SLC35E4: variants seen among roughly 807,000 people sequenced by gnomAD.
The protein encoded by SLC35E4 is solute carrier family 35, member E4.
Under a neutral mutation model 19.3 loss-of-function variants are expected in SLC35E4, and 15 were observed. The observed-to-expected ratio is 0.78, with a 90% CI of 0.52 to 1.20. SLC35E4 has a LOEUF of 1.20. SLC35E4 is among the 50% of genes most tolerant of loss of function. SLC35E4 has a pLI of 0.00. For synonymous variants in SLC35E4, 219 were observed against 219.9 expected (o/e 1.00, Z 0.04); for missense variants, 406 against 472.3 (o/e 0.86, Z 1.30).
chr22:30,663,802 G>A (rs2088559950), downstream of SLC35E4: 2 of 1,614,108 alleles, frequency 1.2e-6, no homozygotes, highest in South Asian at 2.2e-5. Flanking sequence ...ACAGGTACCT[G>A]CATGTACTGG....
chr22:30,662,737 G>A (rs990094155), exon 3 of SLC35E4: 3 of 152,134 alleles, frequency 2.0e-5, no homozygotes, highest in African/African-American at 2.4e-5. Flanking sequence ...GCTAAGGTAA[G>A]AGGATCACTT....
At chr22:30,648,630 T>C (rs2088168814), downstream of SLC35E4, among the ~76,000 whole-genome samples, 1 of 152,070 alleles carries the variant, frequency 6.6e-6, no homozygotes, top group Non-Finnish European at 1.5e-5. Flanking sequence ...GGCGTGCACC[T>C]GAGGCAGGAG....
chr22:30,663,409 A>T, downstream of SLC35E4: 1 of 1,581,808 alleles, frequency 6.3e-7, no homozygotes. Flanking sequence ...TGTACCTCTG[A>T]CTCCAATGCA....
intron 1 of SLC35E4, among the ~76,000 whole-genome samples, chr22:30,637,517 G>A (rs1439752096): frequency 6.6e-6 from 1 of 151,964 alleles, no homozygotes; most frequent in Non-Finnish European, 1.5e-5. Flanking sequence ...ACCTCCCAAG[G>A]TGCTAGGATT....
rs748954155 is a variant in SLC35E4 at position 30,646,900 on chromosome 22, A to G, written c.922A>G (p.Ser308Gly). 10 of 1,614,230 alleles carry G rather than the reference A, an allele frequency of 6.2e-6. No individual in the cohort carries two copies. Among genetic ancestry groups the G allele is most frequent in the Non-Finnish European group, 6.8e-6 (8 of 1,180,024 alleles). The change falls in exon 2 of 2, where the codon AGT becomes GGT. Residue 308 changes from serine (S) to glycine (G), a missense_variant. Coordinates refer to ENST00000343605, the MANE Select transcript of SLC35E4 (RefSeq NM_001001479.4). Reference protein sequence around the residue: ...LSRLLFGSRLSALSYVGIALT... With the variant: ...LSRLLFGSRLGALSYVGIALT... ...CCGGCTGTTGTTTGGCAGCCGCCTC[A>G]GTGCCCTCAGCTACGTGGGCATCGC...
downstream of SLC35E4, chr22:30,663,577 G>T (rs1186251733): frequency 6.2e-7 from 1 of 1,614,234 alleles, no homozygotes; most frequent in Non-Finnish European, 8.5e-7. Context: ...CCGCTGTTGG[G>T]TCGGATGATG....
At chr22:30,637,140 G>T in intron 1 of SLC35E4, 71 bp downstream of exon 1, 1 of 1,501,402 alleles carries the variant, frequency 6.7e-7, no homozygotes, top group Non-Finnish European at 8.9e-7. Context: ...GCCCTGTGAG[G>T]GGTATGGCTG....
chr22:30,666,299 C>G (rs772265873), downstream of SLC35E4, among the ~76,000 whole-genome samples: 1 of 152,048 alleles, frequency 6.6e-6, no homozygotes, highest in Non-Finnish European at 1.5e-5. Flanking sequence ...GGTAGTGATG[C>G]GAGGAGTCAT....
At chr22:30,653,903 G>T in intron 2 of SLC35E4, 1 of 167,080 alleles carries the variant, frequency 6.0e-6, no homozygotes. Flanking sequence ...TGGGTCTTGA[G>T]GACACCCCAG....
At chr22:30,663,475 T>C (rs762418515), downstream of SLC35E4, 4 of 1,613,744 alleles carry the variant, frequency 2.5e-6, no homozygotes, top group South Asian at 4.4e-5. Flanking sequence ...TTCTCATAGA[T>C]GTCAGGGATC....
intron 2 of SLC35E4, among the ~76,000 whole-genome samples, chr22:30,659,931 G>A (rs968483203): frequency 2.0e-5 from 3 of 152,110 alleles, no homozygotes; most frequent in Non-Finnish European, 4.4e-5. Flanking sequence ...ATTTCTGGAG[G>A]GGCACACGTA....
rs1484756878 is a variant in SLC35E4, at chr22:30,653,371, CT to C, written c.*8+4120del. ...ACAACCCTCATGTGCCCCCTTCCTC[CT>C]TCTTTTTTTTTTTTTTTGAGACAGA... On this transcript the variant is annotated intron_variant, in intron 2 of 2. Transcript: ENST00000406566. Among the ~76,000 whole-genome samples, 7 of 150,900 alleles carry C rather than the reference CT, an allele frequency of 4.6e-5. 1 individual carries two copies. Among genetic ancestry groups the C allele is most frequent in the Non-Finnish European group, 1.5e-5 (1 of 67,670 alleles).
chr22:30,645,060 C>T (rs2088105777), intron 1 of SLC35E4, among the ~76,000 whole-genome samples: 1 of 152,178 alleles, frequency 6.6e-6, no homozygotes, highest in Non-Finnish European at 1.5e-5. Flanking sequence ...CCCCTTGTCA[C>T]TCCAGTGGTC....
rs2088335777 is a variant in SLC35E4, at chr22:30,656,208, C to T, written c.*9-5852C>T. Among the ~76,000 whole-genome samples, 3 of 151,932 alleles carry T rather than the reference C, an allele frequency of 2.0e-5. No individual in the cohort carries two copies. In the South Asian group the frequency reaches 6.2e-4, roughly 32 times the overall value. The stretch of plus-strand genomic sequence containing the variant: ...CCCAGGCTGATCGCAAATTCCCAGG[C>T]TCAAGTGATCCTCCTGCCTCAGCCA... On this transcript the variant is annotated intron_variant, in intron 2 of 2. Coordinates refer to the SLC35E4 transcript ENST00000406566.
intron 2 of SLC35E4, among the ~76,000 whole-genome samples, chr22:30,661,206 G>A (rs113051213): frequency 0.021 from 3,144 of 151,938 alleles, 99 homozygotes; most frequent in African/African-American, 0.072. Context: ...CCACCCCCCC[G>A]CCAAGTGAAA....
intron 2 of SLC35E4, among the ~76,000 whole-genome samples, chr22:30,657,909 T>TAAA (rs2088375958): frequency 7.0e-5 from 1 of 14,196 alleles, no homozygotes; most frequent in Non-Finnish European, 1.4e-4. Flanking sequence ...GTCTCAAAAA[T>TAAA]AATAATAATA....
intron 1 of SLC35E4, among the ~76,000 whole-genome samples, chr22:30,642,239 G>C (rs1018777765): frequency 5.3e-5 from 8 of 152,000 alleles, no homozygotes. Context: ...CCAACTCCTA[G>C]ACTCAAGTGA....
intron 1 of SLC35E4, among the ~76,000 whole-genome samples, chr22:30,645,819 A>ATT (rs1179064724): frequency 0.031 from 3,852 of 122,760 alleles, 100 homozygotes; most frequent in African/African-American, 0.076. Context: ...TACCTGACCG[A>ATT]TTTTTTTTTT....
intron 1 of SLC35E4, among the ~76,000 whole-genome samples, chr22:30,640,114 G>T (rs564237675): frequency 2.4e-4 from 37 of 152,236 alleles, no homozygotes; most frequent in African/African-American, 8.7e-4. Context: ...TGGTCCCTCC[G>T]TTTGGGGTCC....
Sources: gnomAD v4.1 joint callset for allele counts (sites outside exome capture counted in the v4.1 genomes callset) on GRCh38, gnomAD v4.1.1 for gene constraint, MANE v1.5 for transcripts, NCBI Gene and HGNC (gene_info 2026-07-23, HGNC 2026-07-21) for gene names.